PEX5L: variants seen among roughly 807,000 people sequenced by gnomAD.
The protein encoded by PEX5L is peroxisomal biogenesis factor 5 like, also known as PEX5-related protein.
PEX5L carries 30 observed loss-of-function variants against 84.0 expected under a neutral mutation model. The ratio of observed to expected loss-of-function variants is 0.36; its 90% CI spans 0.27 to 0.48. The LOEUF (loss-of-function observed/expected upper bound fraction) is 0.48. PEX5L is among the 20% of genes least tolerant of loss of function. PEX5L has a pLI of 0.99. For missense variants in PEX5L, 533 were observed against 754.6 expected (o/e 0.71, Z 3.44); for synonymous variants, 270 against 283.1 (o/e 0.95, Z 0.46).
chr3:179,989,630 G>A (rs1240208967), intron 1 of PEX5L, among the ~76,000 whole-genome samples: 1 of 151,982 alleles, frequency 6.6e-6, no homozygotes, highest in Non-Finnish European at 1.5e-5. Flanking sequence ...TATATCATTT[G>A]TAATGATATA....
At chr3:180,012,790 C>A (rs761410625) in intron 1 of PEX5L, among the ~76,000 whole-genome samples, 9 of 151,784 alleles carry the variant, frequency 5.9e-5, no homozygotes, top group Non-Finnish European at 1.3e-4. Flanking sequence ...ATTTTTAATA[C>A]CTATATCTTA....
chr3:179,999,580 T>C lies in PEX5L; in HGVS notation c.22-27915A>G, dbSNP rs562727768. 3.3e-5 allele frequency among the ~76,000 whole-genome samples: 5 copies of C among 152,266 alleles called. No homozygotes were observed. The East Asian group carries it at 5.8e-4, about 18-fold the overall frequency. On this transcript the variant is annotated intron_variant, in intron 1 of 14. Coordinates refer to ENST00000467460, the MANE Select transcript of PEX5L (RefSeq NM_016559.3). ...GCTACCTGGTGGCAGATTGACTGTATTGGACCTCTTCCATCATAGAAAGGG... is the reference window on the plus strand; with the variant it reads ...GCTACCTGGTGGCAGATTGACTGTACTGGACCTCTTCCATCATAGAAAGGG...
At chr3:180,020,119 T>TAA (rs927815534) in intron 1 of PEX5L, among the ~76,000 whole-genome samples, 2 of 152,106 alleles carry the variant, frequency 1.3e-5, no homozygotes, top group Non-Finnish European at 2.9e-5. Flanking sequence ...AATATGAAAA[T>TAA]AATCTTCTCA....
rs1489674914 is a variant in PEX5L, at chr3:179,819,888, T to C, written c.911A>G (p.Asn304Ser). 1 of 1,614,130 alleles carries C rather than the reference T, an allele frequency of 6.2e-7. No homozygotes were observed. Among genetic ancestry groups the C allele is most frequent in the East Asian group, 2.2e-5 (1 of 44,874 alleles). The change falls in exon 9 of 15, where the codon AAC becomes AGC. Residue 304 changes from asparagine (N) to serine (S), a missense_variant. Physicochemically the swap from Asn to Ser is conservative, Grantham distance 46. Transcript: ENST00000467460. ...CTCACTAGCCGAGATGGTTACTTGG[T>C]TCTGGGCTTCTTGGTTCTCAGATAT... ...NWISENQEAQNQVTISASEKG... is the reference protein window; with the variant it reads ...NWISENQEAQSQVTISASEKG...
chr3:180,022,925 G>C (rs1317233463), intron 1 of PEX5L, among the ~76,000 whole-genome samples: 8 of 152,156 alleles, frequency 5.3e-5, no homozygotes, highest in Admixed American at 4.6e-4. Context: ...AAGCTATTTG[G>C]ATTCTACATC....
chr3:179,801,835 T>C lies in PEX5L; in HGVS notation c.1874A>G (p.Asp625Gly). 6.2e-7 allele frequency: 1 copy of C among 1,600,274 alleles called. No homozygotes were observed. The highest frequency in any genetic ancestry group is 8.6e-7 in the Non-Finnish European group (1 of 1,167,326). The change falls in exon 15 of 15, where the codon GAT becomes GGT. Residue 625 changes from aspartate (D) to glycine (G), a missense_variant. By Grantham distance (94) the Asp-to-Gly change is moderately conservative. Around this residue, in one of 8 missense-constraint regions of PEX5L, gnomAD observed 105 missense variants for 204.6 expected, o/e 0.51. Transcript: ENST00000467460. ...LDVLLRAFNLDP is the reference protein window; with the variant it reads ...LDVLLRAFNLGP ...ACTGGTATTATTCTTTCTTCAAGGATCCAAGTTGAAAGCTCTTAAGAGGAC... is the reference window on the plus strand; with the variant it reads ...ACTGGTATTATTCTTTCTTCAAGGACCCAAGTTGAAAGCTCTTAAGAGGAC...
At chr3:179,932,307 AC>A (rs1773333431) in intron 2 of PEX5L, among the ~76,000 whole-genome samples, 1 of 152,070 alleles carries the variant, frequency 6.6e-6, no homozygotes, top group African/African-American at 2.4e-5. Context: ...ATGTAAGAAT[AC>A]CTTTTAAAAT....
chr3:179,986,181 T>TATATATATATAA (rs58775648), intron 1 of PEX5L, among the ~76,000 whole-genome samples: 20 of 149,878 alleles, frequency 1.3e-4, no homozygotes, highest in African/African-American at 4.6e-4. Context: ...TATATATATA[T>TATATATATATAA]AACTTTATGT....
chr3:179,914,187 T>A (rs1457416584), intron 2 of PEX5L, among the ~76,000 whole-genome samples: 1 of 152,208 alleles, frequency 6.6e-6, no homozygotes, highest in Non-Finnish European at 1.5e-5. Context: ...TAGTCCAAAC[T>A]GTAAGAGTTG....
At chr3:179,883,132 G>A (rs1754671827) in intron 4 of PEX5L, among the ~76,000 whole-genome samples, 1 of 151,988 alleles carries the variant, frequency 6.6e-6, no homozygotes, top group African/African-American at 2.4e-5. Context: ...AAGTGTGTGC[G>A]TGTGTGTATG....
chr3:179,909,750 A>T (rs1340166934), intron 2 of PEX5L, among the ~76,000 whole-genome samples: 1 of 152,198 alleles, frequency 6.6e-6, no homozygotes, highest in Non-Finnish European at 1.5e-5. Context: ...GTCCTAATCC[A>T]ATATGACTGG....
At chr3:179,844,954 C>T (rs1275738849) in intron 8 of PEX5L, among the ~76,000 whole-genome samples, 1 of 152,202 alleles carries the variant, frequency 6.6e-6, no homozygotes, top group Non-Finnish European at 1.5e-5. Flanking sequence ...CAGAAACATA[C>T]CTAAGTTTAA....
chr3:179,859,870 G>A (rs1168883916), intron 7 of PEX5L, among the ~76,000 whole-genome samples: 10 of 152,034 alleles, frequency 6.6e-5, no homozygotes, highest in Admixed American at 1.3e-4. Context: ...CCAAGAGTCC[G>A]CTGTAGTTTT....
At chr3:179,907,944 A>G (rs1763838062) in intron 2 of PEX5L, among the ~76,000 whole-genome samples, 1 of 152,166 alleles carries the variant, frequency 6.6e-6, no homozygotes, top group Non-Finnish European at 1.5e-5. Context: ...AGTTTTGTTG[A>G]TATAACTTAA....
chr3:179,884,412 G>A (rs867247980), intron 4 of PEX5L, among the ~76,000 whole-genome samples: 1 of 152,292 alleles, frequency 6.6e-6, no homozygotes, highest in East Asian at 1.9e-4. Context: ...TGAAGATGGA[G>A]CAAGGAGTCA....
chr3:180,004,524 G>T (rs948148175), intron 1 of PEX5L, among the ~76,000 whole-genome samples: 3 of 152,104 alleles, frequency 2.0e-5, no homozygotes, highest in African/African-American at 7.2e-5. Context: ...TTCTACAGTG[G>T]GACCCAAACC....
chr3:179,890,968 T>A (rs777863986), intron 3 of PEX5L, among the ~76,000 whole-genome samples: 1,376 of 101,602 alleles, frequency 0.014, 9 homozygotes, highest in South Asian at 0.022. Context: ...GGTAAAAAAA[T>A]TTTTTTTTTT....
intron 1 of PEX5L, among the ~76,000 whole-genome samples, chr3:179,985,807 C>T (rs536523577): frequency 6.6e-6 from 1 of 152,196 alleles, no homozygotes; most frequent in South Asian, 2.1e-4. Context: ...TTCTGCCTCC[C>T]CTCAGTCCCA....
chr3:179,962,561 A>T (rs965782916), intron 2 of PEX5L, among the ~76,000 whole-genome samples: 7 of 152,214 alleles, frequency 4.6e-5, no homozygotes, highest in Non-Finnish European at 7.3e-5. Context: ...GTGACTAGAA[A>T]TGGGTTCCAT....
Sources: allele counts gnomAD v4.1 joint callset (sites outside exome capture counted in the v4.1 genomes callset), GRCh38; gene constraint gnomAD v4.1.1; regional missense constraint gnomAD v4.1.1; transcripts MANE v1.5; gene names NCBI Gene and HGNC (gene_info 2026-07-23, HGNC 2026-07-21).